FAM20A: variants seen among roughly 807,000 people sequenced by gnomAD.
The protein encoded by FAM20A is pseudokinase FAM20A.
In FAM20A, 42 loss-of-function variants were observed where a neutral mutation model predicts 52.0. The ratio of observed to expected loss-of-function variants is 0.81; its 90% CI spans 0.63 to 1.04. FAM20A has a LOEUF of 1.04. Among genes scored for constraint, FAM20A ranks in the 50% least tolerant of loss-of-function variants. FAM20A has a pLI of 0.00. For missense variants in FAM20A, 742 were observed against 712.7 expected (o/e 1.04, Z -0.47); for synonymous variants, 304 against 298.9 (o/e 1.02, Z -0.18).
chr17:68,547,398 T>C (rs756581125), intron 4 of FAM20A, among the ~76,000 whole-genome samples: 1 of 152,224 alleles, frequency 6.6e-6, no homozygotes, highest in African/African-American at 2.4e-5. Context: ...TCTCTAGCTA[T>C]GGGGAAAGTC....
At chr17:68,578,674 C>G (rs1373720937) in intron 1 of FAM20A, among the ~76,000 whole-genome samples, 1 of 151,790 alleles carries the variant, frequency 6.6e-6, no homozygotes, top group Non-Finnish European at 1.5e-5. Flanking sequence ...CCAGGCTTCT[C>G]TCACTCCTTC....
At chr17:68,576,693 A>T (rs2087779418) in intron 1 of FAM20A, among the ~76,000 whole-genome samples, 1 of 152,240 alleles carries the variant, frequency 6.6e-6, no homozygotes, top group South Asian at 2.1e-4. Flanking sequence ...GGACCTAGGG[A>T]CAAAACGACT....
chr17:68,564,255 T>C (rs893514632), intron 1 of FAM20A, among the ~76,000 whole-genome samples: 3 of 152,178 alleles, frequency 2.0e-5, no homozygotes, highest in Non-Finnish European at 2.9e-5. Context: ...AGTTTAGCTG[T>C]TGTGGGAAAT....
chr17:68,540,311 C>T (rs962502657), intron 8 of FAM20A, among the ~76,000 whole-genome samples: 1 of 152,230 alleles, frequency 6.6e-6, no homozygotes, highest in African/African-American at 2.4e-5. Flanking sequence ...CAGAGATCCT[C>T]AGCTGATCCT....
Position 68,537,500 on chromosome 17 carries a change from C to T in FAM20A, c.1603G>A (p.Gly535Ser). Residue 535 changes from glycine to serine, a missense_variant, in exon 11 of 11, where the codon GGC (glycine) becomes AGC (serine). Physicochemically the swap from Gly to Ser is moderately conservative, Grantham distance 56 (BLOSUM62 0). Coordinates refer to ENST00000592554, the MANE Select transcript of FAM20A (RefSeq NM_017565.4). This position sits in a 1 kb window ranked among gnomAD's most constrained non-coding sequence, Gnocchi z 4.2. ...GPVEQLAPDS[G>S]QANLTS ...CCTTAGCTTGTCAAGTTAGCCTGGC[C>T]AGAGTCTGGGGCCAACTGTTCCACT... The T allele has an allele frequency of 6.2e-7, 1 of 1,613,980 alleles. No homozygotes were observed. The highest frequency in any genetic ancestry group is 8.5e-7 in the Non-Finnish European group (1 of 1,179,986).
At chr17:68,553,563 C>G (rs535941834) in intron 3 of FAM20A, among the ~76,000 whole-genome samples, 13 of 152,214 alleles carry the variant, frequency 8.5e-5, no homozygotes, top group Middle Eastern at 3.4e-3. Flanking sequence ...TGGAGGGGAG[C>G]TCTGCCACTC....
At chr17:68,586,808 C>T (rs1369170858) in intron 1 of FAM20A, among the ~76,000 whole-genome samples, 1 of 152,174 alleles carries the variant, frequency 6.6e-6, no homozygotes, top group Non-Finnish European at 1.5e-5. Context: ...CCCTAGGGAA[C>T]AAATATAGTT....
intron 1 of FAM20A, among the ~76,000 whole-genome samples, chr17:68,587,672 A>G (rs1460845646): frequency 6.6e-6 from 1 of 152,196 alleles, no homozygotes; most frequent in Non-Finnish European, 1.5e-5. Flanking sequence ...TAAAACATCA[A>G]TTGGCTGGAT....
chr17:68,536,913 C>T lies in FAM20A; in HGVS notation c.*564G>A, dbSNP rs1385116762. Reference sequence around the variant, plus strand: ...TATCTCTAAGAAGTTACTCCAGGACCGGGCAGTAGGGATTACTGATTCAGA... The same window carrying T: ...TATCTCTAAGAAGTTACTCCAGGACTGGGCAGTAGGGATTACTGATTCAGA... On this transcript the variant is annotated 3_prime_UTR_variant, in exon 11 of 11. Transcript: ENST00000592554. 8 of 454,124 alleles carry T rather than the reference C, an allele frequency of 1.8e-5. No homozygotes were observed. The East Asian group carries it at 4.9e-4, about 28-fold the overall frequency. The allele number at this position is 454,124 out of a possible 1,614,324, so 28.1% of individuals were successfully genotyped here.
chr17:68,571,999 TATATATATA>T (rs1433520591), intron 1 of FAM20A, among the ~76,000 whole-genome samples: 1 of 34,382 alleles, frequency 2.9e-5, no homozygotes, highest in Non-Finnish European at 5.4e-5. Flanking sequence ...TATATATATA[TATATATATA>T]TATATATATA....
At chr17:68,557,345 G>A (rs1490498227) in intron 1 of FAM20A, among the ~76,000 whole-genome samples, 1 of 152,160 alleles carries the variant, frequency 6.6e-6, no homozygotes, top group East Asian at 1.9e-4. Context: ...AAATTCATAT[G>A]TTGAAATTTT....
At chr17:68,575,503 ATAT>A (rs1178313268) in intron 1 of FAM20A, among the ~76,000 whole-genome samples, 9 of 94,896 alleles carry the variant, frequency 9.5e-5, no homozygotes, top group African/African-American at 2.3e-4. Context: ...TAGATATTAG[ATAT>A]TATATATTTT....
chr17:68,552,092 C>G (rs2086862632), intron 3 of FAM20A, 141 bp from the exon 4 acceptor site: 1 of 688,356 alleles, frequency 1.5e-6, no homozygotes, highest in Non-Finnish European at 2.7e-6. Context: ...CTCTCCATAG[C>G]CTGCAGGGTA....
chr17:68,569,895 G>A (rs1219845874), intron 1 of FAM20A, among the ~76,000 whole-genome samples: 2 of 152,118 alleles, frequency 1.3e-5, no homozygotes, highest in Non-Finnish European at 2.9e-5. Flanking sequence ...CCTCCGGAGA[G>A]GTCCCATGTC....
At position 68,555,710 on chromosome 17, in the gene FAM20A, A is replaced by G. The variant is rs772510716; in HGVS notation, c.438T>C (p.Leu146=). The G allele has an allele frequency of 1.9e-6, 3 of 1,613,850 alleles. No individual in the cohort carries two copies. Among genetic ancestry groups the G allele is most frequent in the South Asian group, 2.2e-5 (2 of 91,076 alleles). Residue 146 remains leucine (L), a synonymous_variant, in exon 2 of 11, where the codon CTT becomes CTC. Transcript: ENST00000592554. ...GCTGCAGTGGGGGGTCCAGGGAGGT[A>G]AGGTTCATCTGCTCTCTGTACATCT... ...RHKMYREQMN[L]TSLDPPLQLR...
intron 1 of FAM20A, chr17:68,598,003 G>GTT (rs145406524): frequency 0.036 from 4,578 of 126,138 alleles, 194 homozygotes; most frequent in South Asian, 0.15. Context: ...CTTCTGTATG[G>GTT]TTTTTTTTTT....
At position 68,563,511 on chromosome 17, in the gene FAM20A, G is replaced by A. The variant is rs140820691; in HGVS notation, c.405-7768C>T. On this transcript the variant is annotated intron_variant, in intron 1 of 10. Coordinates refer to ENST00000592554, the MANE Select transcript of FAM20A (RefSeq NM_017565.4). ...CCACACCCTGGAAGGACAGAATCTC[G>A]TCTGCCCCATGATGTCCATGCAAGA... 1.4e-3 allele frequency among the ~76,000 whole-genome samples: 207 copies of A among 151,662 alleles called. 1 individual carries two copies. The highest frequency in any genetic ancestry group is 1.9e-3 in the Non-Finnish European group (126 of 67,910).
chr17:68,579,082 T>C (rs1235190484), intron 1 of FAM20A, among the ~76,000 whole-genome samples: 2 of 149,952 alleles, frequency 1.3e-5, no homozygotes, highest in Admixed American at 6.7e-5. Context: ...TAACAGAGAA[T>C]GTGAAAGTGC....
rs762423457 is a variant in FAM20A, at chr17:68,551,931, G to A, written c.661C>T (p.His221Tyr). 1 of 1,588,792 alleles carries A rather than the reference G, an allele frequency of 6.3e-7. No homozygotes were observed. Among genetic ancestry groups the A allele is most frequent in the African/African-American group, 1.3e-5 (1 of 74,488 alleles). Residue 221 changes from histidine to tyrosine, a missense_variant, in exon 4 of 11, where the codon CAC (histidine) becomes TAC (tyrosine). His to Tyr is a moderately conservative substitution (Grantham distance 83). Transcript: ENST00000592554. Reference sequence around the variant, plus strand: ...GAGAACCTCAGCACCAGCTTGAGGTGGACCCCACTGGGTTTCACAACTGTG... The same window carrying A: ...GAGAACCTCAGCACCAGCTTGAGGTAGACCCCACTGGGTTTCACAACTGTG... ...CTQIVKPSGVHLKLVLRFSDF... is the reference protein window; with the variant it reads ...CTQIVKPSGVYLKLVLRFSDF...
Sources: gnomAD v4.1 joint callset for allele counts (sites outside exome capture counted in the v4.1 genomes callset) on GRCh38, gnomAD v4.1.1 for gene constraint, Gnocchi (gnomAD v3.1) non-coding constraint, MANE v1.5 for transcripts, NCBI Gene and HGNC (gene_info 2026-07-23, HGNC 2026-07-21) for gene names.